MYMX: variants seen among roughly 807,000 people sequenced by gnomAD.
MYMX encodes protein myomixer.
chr6:44,197,090 A>T, the MYMX span, among the ~76,000 whole-genome samples: 2 of 152,160 alleles, frequency 1.3e-5, no homozygotes, highest in African/African-American at 2.4e-5. Flanking sequence ...TGCCATCTCT[A>T]CTAAAAATAC....
At chr6:44,212,035 CA>C (rs996585743), upstream of MYMX, among the ~76,000 whole-genome samples, 2 of 152,004 alleles carry the variant, frequency 1.3e-5, no homozygotes, top group Non-Finnish European at 2.9e-5. Flanking sequence ...CTCGGTTTCC[CA>C]AGTAGCTGAG....
At chr6:44,198,293 G>C in the MYMX span, among the ~76,000 whole-genome samples, 1 of 148,896 alleles carries the variant, frequency 6.7e-6, no homozygotes, top group African/African-American at 2.5e-5. Flanking sequence ...CTCCCGAGTA[G>C]CTGGGACTAC....
the MYMX span, among the ~76,000 whole-genome samples, chr6:44,192,801 T>G: frequency 6.6e-6 from 1 of 152,202 alleles, no homozygotes; most frequent in South Asian, 2.1e-4. Flanking sequence ...GCAGGCCATT[T>G]CTTTTTCTGT....
chr6:44,199,171 G>A, the MYMX span, among the ~76,000 whole-genome samples: 1 of 152,042 alleles, frequency 6.6e-6, no homozygotes. Context: ...TATAGGGCTA[G>A]TGCCCTCTTA....
chr6:44,194,505 C>T, the MYMX span, among the ~76,000 whole-genome samples: 1 of 152,216 alleles, frequency 6.6e-6, no homozygotes, highest in Non-Finnish European at 1.5e-5. Flanking sequence ...CCCCCAGCCT[C>T]CCTCTTTGCC....
intron 1 of MYMX, 61 bp from the exon 2 acceptor site, chr6:44,217,389 G>C: frequency 2.5e-6 from 1 of 398,500 alleles, no homozygotes; most frequent in Non-Finnish European, 4.4e-6. Flanking sequence ...CCCACCCCAT[G>C]TCCTTGCCAG....
the MYMX span, among the ~76,000 whole-genome samples, chr6:44,197,566 CT>C: frequency 6.6e-6 from 1 of 152,102 alleles, no homozygotes; most frequent in Non-Finnish European, 1.5e-5. Context: ...ACCACCTCTC[CT>C]TCCAGTACCC....
the MYMX span, among the ~76,000 whole-genome samples, chr6:44,208,729 T>C: frequency 6.6e-6 from 1 of 152,260 alleles, no homozygotes; most frequent in East Asian, 1.9e-4. Flanking sequence ...CTAGGGTGAG[T>C]GGCAAGGATC....
the MYMX span, among the ~76,000 whole-genome samples, chr6:44,205,974 T>C: frequency 9.6e-6 from 1 of 104,270 alleles, no homozygotes; most frequent in Non-Finnish European, 2.0e-5. Flanking sequence ...AGCCAGACCC[T>C]TTCTCAAAAA....
the MYMX span, among the ~76,000 whole-genome samples, chr6:44,204,672 C>T: frequency 6.6e-6 from 1 of 152,100 alleles, no homozygotes; most frequent in Non-Finnish European, 1.5e-5. Flanking sequence ...CATAGCAAGG[C>T]ACACTTTATT....
the MYMX span, among the ~76,000 whole-genome samples, chr6:44,199,691 T>TG: frequency 4.2e-5 from 1 of 23,800 alleles, no homozygotes; most frequent in East Asian, 2.4e-3. Flanking sequence ...GGAGAACTAA[T>TG]TTTTTTTTTT....
chr6:44,207,759 T>A, the MYMX span, among the ~76,000 whole-genome samples: 1 of 151,618 alleles, frequency 6.6e-6, no homozygotes, highest in Non-Finnish European at 1.5e-5. Flanking sequence ...TCGAACTCCC[T>A]ACCTCAGGTG....
At chr6:44,194,856 C>T in the MYMX span, among the ~76,000 whole-genome samples, 1 of 151,910 alleles carries the variant, frequency 6.6e-6, no homozygotes, top group African/African-American at 2.4e-5. Flanking sequence ...GTTAGGGAGA[C>T]CAGTACATGT....
chr6:44,213,452 C>A (rs188748212), upstream of MYMX, among the ~76,000 whole-genome samples: 1 of 143,072 alleles, frequency 7.0e-6, no homozygotes, highest in Non-Finnish European at 1.5e-5. Flanking sequence ...GACGGAGTCT[C>A]GCTCTGTCAC....
At chr6:44,215,421 T>G (rs796799597), upstream of MYMX, among the ~76,000 whole-genome samples, 11 of 150,758 alleles carry the variant, frequency 7.3e-5, no homozygotes, top group African/African-American at 2.7e-4. Flanking sequence ...AAAATAAATT[T>G]TAAAAAGTAA....
chr6:44,196,388 C>A, the MYMX span, among the ~76,000 whole-genome samples: 3 of 152,128 alleles, frequency 2.0e-5, no homozygotes, highest in Admixed American at 6.6e-5. Flanking sequence ...GTTATAAACT[C>A]TTTCTTTAGG....
chr6:44,201,789 G>C, the MYMX span, among the ~76,000 whole-genome samples: 13 of 152,170 alleles, frequency 8.5e-5, no homozygotes, highest in Admixed American at 8.5e-4. Context: ...GTCAGCTGTA[G>C]GTATTATTAT....
chr6:44,208,388 C>A, the MYMX span, among the ~76,000 whole-genome samples: 1 of 152,182 alleles, frequency 6.6e-6, no homozygotes, highest in South Asian at 2.1e-4. Flanking sequence ...GATCAAAAAA[C>A]AAGAACACAG....
chr6:44,204,683 C>T, the MYMX span, among the ~76,000 whole-genome samples: 1 of 152,144 alleles, frequency 6.6e-6, no homozygotes, highest in Admixed American at 6.5e-5. Flanking sequence ...ACACTTTATT[C>T]ACCACCCATT....
Sources: gnomAD v4.1 joint callset for allele counts (sites outside exome capture counted in the v4.1 genomes callset) on GRCh38, gnomAD v4.1.1 for gene constraint, MANE v1.5 for transcripts, NCBI Gene and HGNC (gene_info 2026-07-23, HGNC 2026-07-21) for gene names.